Variants in EEFSEC observed in about 807,000 individuals in gnomAD.
EEFSEC encodes eukaryotic elongation factor, selenocysteine-tRNA specific.
In EEFSEC, 43 loss-of-function variants were observed where a neutral mutation model predicts 42.1. The ratio of observed to expected loss-of-function variants is 1.02; its 90% CI spans 0.80 to 1.32. The LOEUF is 1.32. Ranked by LOEUF, EEFSEC falls within the 40% of genes most tolerant of loss-of-function variation. EEFSEC has a pLI of 0.00. For missense variants in EEFSEC, 745 were observed against 803.6 expected (o/e 0.93, Z 0.88); for synonymous variants, 354 against 339.1 (o/e 1.04, Z -0.48).
chr3:128,272,259 G>C lies in EEFSEC; in HGVS notation c.786+7478G>C, dbSNP rs542588572. ...TGAACATCACGCTATCGAAGGATCC[G>C]TCCTGACAGTGGAACACCCCTCCCC... On this transcript the variant is annotated intron_variant, in intron 4 of 6. Transcript: ENST00000254730. Among the ~76,000 whole-genome samples, 3 of 152,320 alleles carry C rather than the reference G, an allele frequency of 2.0e-5. No homozygotes were observed. In the East Asian group the frequency reaches 5.8e-4, roughly 29 times the overall value.
intron 1 of EEFSEC, among the ~76,000 whole-genome samples, chr3:128,235,941 G>GGTTT (rs66797888): frequency 0.5 from 75,133 of 149,056 alleles, 19,572 homozygotes; most frequent in East Asian, 0.79. Context: ...GATGGGCAAA[G>GGTTT]GTTTGTTTGT....
the EEFSEC span, among the ~76,000 whole-genome samples, chr3:128,414,889 G>C: frequency 6.6e-6 from 1 of 152,270 alleles, no homozygotes; most frequent in South Asian, 2.1e-4. Context: ...CAGTAAAGAG[G>C]AGGAGGAGGC....
chr3:128,158,173 A>G (rs187288272), intron 1 of EEFSEC, among the ~76,000 whole-genome samples: 2 of 152,352 alleles, frequency 1.3e-5, no homozygotes, highest in Admixed American at 6.5e-5. Context: ...CTGAATTGCT[A>G]CAATCTCATG....
intron 1 of EEFSEC, among the ~76,000 whole-genome samples, chr3:128,220,958 T>C (rs2065855819): frequency 6.6e-6 from 1 of 152,256 alleles, no homozygotes; most frequent in Admixed American, 6.5e-5. Flanking sequence ...TCTGTTTATA[T>C]TTCTCTGTTC....
chr3:128,424,837 GC>G, the EEFSEC span, among the ~76,000 whole-genome samples: 2 of 151,908 alleles, frequency 1.3e-5, no homozygotes, highest in Non-Finnish European at 2.9e-5. Flanking sequence ...CGTGTCTCCC[GC>G]CCCACCCCAA....
chr3:128,229,424 C>T (rs1217110722), intron 1 of EEFSEC, among the ~76,000 whole-genome samples: 1 of 152,184 alleles, frequency 6.6e-6, no homozygotes, highest in Non-Finnish European at 1.5e-5. Flanking sequence ...GATGACCCTC[C>T]TGGCATCCAC....
intron 2 of EEFSEC, among the ~76,000 whole-genome samples, chr3:128,257,768 T>A (rs1439507226): frequency 1.3e-5 from 2 of 152,176 alleles, no homozygotes; most frequent in Admixed American, 1.3e-4. Context: ...AGGTTCAGCA[T>A]AAAGGTCAGG....
At chr3:128,191,029 G>T (rs554179716) in intron 1 of EEFSEC, among the ~76,000 whole-genome samples, 1 of 152,226 alleles carries the variant, frequency 6.6e-6, no homozygotes, top group East Asian at 1.9e-4. Context: ...CAACCTAGGT[G>T]TGTGGTAGGC....
At chr3:128,236,854 T>TCTTTCTCCCCAGGATGCTTAGC (rs2066017342) in intron 1 of EEFSEC, among the ~76,000 whole-genome samples, 1 of 152,266 alleles carries the variant, frequency 6.6e-6, no homozygotes, top group Admixed American at 6.5e-5. Context: ...CTTCTCCTGC[T>TCTTTCTCCCCAGGATGCTTAGC]CTTTCTCCCC....
At chr3:128,286,905 A>G (rs1257369095) in intron 4 of EEFSEC, among the ~76,000 whole-genome samples, 7 of 152,072 alleles carry the variant, frequency 4.6e-5, no homozygotes, top group African/African-American at 1.7e-4. Context: ...TCTGTCTCTG[A>G]CTCTAATCAA....
At chr3:128,179,554 A>G (rs1318321395) in intron 1 of EEFSEC, among the ~76,000 whole-genome samples, 1 of 152,214 alleles carries the variant, frequency 6.6e-6, no homozygotes, top group African/African-American at 2.4e-5. Context: ...GGAAACAGAT[A>G]CCATTTAGGA....
intron 3 of EEFSEC, 117 bp downstream of exon 3, chr3:128,262,341 T>C (rs2066307659): frequency 6.9e-6 from 6 of 875,884 alleles, no homozygotes; most frequent in African/African-American, 1.7e-5. Context: ...GAGGACTCAG[T>C]TGGTTCCATT....
rs376730230 is a variant in EEFSEC, at chr3:128,358,245, G to A, written c.1472G>A (p.Arg491His). Residue 491 changes from arginine (R) to histidine (H), a missense_variant, in exon 6 of 7, where the codon CGC becomes CAC. Coordinates refer to ENST00000254730, the MANE Select transcript of EEFSEC (RefSeq NM_021937.5). ...RAMDDYSVIG[R>H]SLFKKETNIQ... ...ATGGATGACTACAGTGTGATCGGCCGCTCCCTGTTCAAAAAGGAAACCAAC... is the reference window on the plus strand; with the variant it reads ...ATGGATGACTACAGTGTGATCGGCCACTCCCTGTTCAAAAAGGAAACCAAC... 6.1e-5 allele frequency: 99 copies of A among 1,614,178 alleles called. No homozygotes were observed. Among genetic ancestry groups the A allele is most frequent in the Non-Finnish European group, 7.5e-5 (88 of 1,180,008 alleles).
chr3:128,400,401 A>G (rs1427653809), intron 6 of EEFSEC, among the ~76,000 whole-genome samples: 1 of 152,216 alleles, frequency 6.6e-6, no homozygotes, highest in Non-Finnish European at 1.5e-5. Flanking sequence ...GCTGAATCCA[A>G]GGCCCTCTGT....
intron 1 of EEFSEC, among the ~76,000 whole-genome samples, chr3:128,221,556 A>T (rs2065861311): frequency 6.6e-6 from 1 of 152,204 alleles, no homozygotes; most frequent in Admixed American, 6.5e-5. Flanking sequence ...ATTAACATAG[A>T]AACTGGTGAC....
At chr3:128,397,982 C>A (rs1308994433) in intron 6 of EEFSEC, among the ~76,000 whole-genome samples, 5 of 152,252 alleles carry the variant, frequency 3.3e-5, no homozygotes, top group African/African-American at 1.2e-4. Context: ...GCTCACCCCC[C>A]AGCCTCTGTG....
At chr3:128,307,757 C>T (rs1266239249) in intron 4 of EEFSEC, among the ~76,000 whole-genome samples, 1 of 152,226 alleles carries the variant, frequency 6.6e-6, no homozygotes, top group Non-Finnish European at 1.5e-5. Flanking sequence ...AGTCCAGCTG[C>T]AATACTTTCA....
intron 4 of EEFSEC, among the ~76,000 whole-genome samples, chr3:128,323,408 C>G (rs1343640395): frequency 6.6e-6 from 1 of 152,174 alleles, no homozygotes; most frequent in East Asian, 1.9e-4. Context: ...GTGGTGGAGC[C>G]CATGCCATTC....
chr3:128,247,517 A>G (rs2066140517), intron 2 of EEFSEC, among the ~76,000 whole-genome samples: 1 of 152,212 alleles, frequency 6.6e-6, no homozygotes, highest in Non-Finnish European at 1.5e-5. Flanking sequence ...ATTTTGGTAG[A>G]TGACTGGTTG....
Sources: gnomAD v4.1 joint callset for allele counts (sites outside exome capture counted in the v4.1 genomes callset) on GRCh38, gnomAD v4.1.1 for gene constraint, MANE v1.5 for transcripts, NCBI Gene and HGNC (gene_info 2026-07-23, HGNC 2026-07-21) for gene names.